Variants in FRY observed in about 807,000 individuals in gnomAD.
The protein encoded by FRY is protein furry homolog.
Under a neutral mutation model 348.4 loss-of-function variants are expected in FRY, and 128 were observed. The observed-to-expected ratio is 0.37, with a 90% confidence interval of 0.32 to 0.43. FRY has a LOEUF of 0.43. FRY is among the 20% of genes least tolerant of loss of function. FRY has a pLI of 1.00. For missense variants in FRY, 2,736 were observed against 3,695.2 expected, an observed-to-expected ratio of 0.74 and a Z score of 6.73; for synonymous variants, 1,370 against 1,374.7, an observed-to-expected ratio of 1.00 and a Z score of 0.08.
At chr13:32,161,445 C>T (rs918967363) in intron 17 of FRY, among the ~76,000 whole-genome samples, 194 bp downstream of exon 17, 19 of 152,136 alleles carry the variant, frequency 1.2e-4, no homozygotes, top group Admixed American at 2.0e-4. Context: ...GAAGCAAATA[C>T]GTAAGCACGT....
chr13:32,295,164 A>C, intron 60 of FRY, 38 bp from the exon 61 acceptor site: 1 of 1,606,780 alleles, frequency 6.2e-7, no homozygotes, highest in Non-Finnish European at 8.5e-7. Flanking sequence ...TTTGTGACTA[A>C]TAGTGCCTCT....
chr13:32,264,006 C>T (rs1414260675), intron 53 of FRY, among the ~76,000 whole-genome samples: 1 of 150,434 alleles, frequency 6.6e-6, no homozygotes. Flanking sequence ...GACTCCATCT[C>T]GAAAAAAAAA....
intron 29 of FRY, among the ~76,000 whole-genome samples, chr13:32,199,314 C>A (rs149785694): frequency 6.6e-6 from 1 of 152,106 alleles, no homozygotes; most frequent in Non-Finnish European, 1.5e-5. Context: ...CACCACAGTA[C>A]GCATTACAAG....
At chr13:32,218,282 A>G (rs1201469128) in intron 35 of FRY, among the ~76,000 whole-genome samples, 1 of 152,204 alleles carries the variant, frequency 6.6e-6, no homozygotes. Context: ...TCTCAAGGAA[A>G]CAAGAAATGT....
chr13:32,240,885 T>G (rs1304928329), intron 46 of FRY, among the ~76,000 whole-genome samples: 1 of 152,220 alleles, frequency 6.6e-6, no homozygotes, highest in South Asian at 2.1e-4. Flanking sequence ...TCCACAAGCC[T>G]GAAAGCATCT....
intron 11 of FRY, among the ~76,000 whole-genome samples, chr13:32,144,071 T>C (rs1031065927): frequency 6.6e-6 from 1 of 152,124 alleles, no homozygotes; most frequent in Non-Finnish European, 1.5e-5. Context: ...TTTGGACCAA[T>C]TGGAAGACGA....
intron 46 of FRY, among the ~76,000 whole-genome samples, chr13:32,241,757 T>C (rs1886518968): frequency 6.6e-6 from 1 of 152,230 alleles, no homozygotes; most frequent in Non-Finnish European, 1.5e-5. Flanking sequence ...GTAAATTTTA[T>C]GTTATGTGTT....
intron 4 of FRY, among the ~76,000 whole-genome samples, chr13:32,122,985 GA>G (rs1878768705): frequency 6.6e-6 from 1 of 152,086 alleles, no homozygotes; most frequent in Admixed American, 6.5e-5. Context: ...CCTAACCAAG[GA>G]GTCGAAAGAC....
intron 26 of FRY, among the ~76,000 whole-genome samples, chr13:32,185,690 G>A (rs945064109): frequency 6.6e-6 from 1 of 152,130 alleles, no homozygotes; most frequent in Admixed American, 6.6e-5. Context: ...TATCTGGTTA[G>A]TTTGCTATAA....
In FRY at chr13:32,211,004, G is replaced by A; in HGVS notation, c.4561G>A (p.Ala1521Thr). 2 of 1,613,966 alleles carry A rather than the reference G, an allele frequency of 1.2e-6. No individual in the cohort carries two copies. Among genetic ancestry groups the A allele is most frequent in the Non-Finnish European group, 1.7e-6 (2 of 1,179,858 alleles). ...CAACCCGCCCTTCTACCGCTTCACG[G>A]CCAGTAGCAAGGCTTCCGCAGCAGC... ...CDNPPFYRFT[A>T]SSKASAAASG... Residue 1521 changes from alanine (A) to threonine (T), a missense_variant, in exon 34 of 61, where the codon GCC becomes ACC. This residue lies in a region of FRY where 794 missense variants were observed against 977.0 expected (regional missense o/e 0.81). Coordinates refer to ENST00000542859, the MANE Select transcript of FRY (RefSeq NM_023037.3).
intron 53 of FRY, among the ~76,000 whole-genome samples, chr13:32,263,994 G>A (rs897706289): frequency 6.6e-6 from 1 of 151,964 alleles, no homozygotes. Context: ...GCGACAGAGC[G>A]AGACTCCATC....
chr13:32,194,406 T>G (rs182114324), intron 29 of FRY, 109 bp downstream of exon 29: 1 of 974,908 alleles, frequency 1.0e-6, no homozygotes, highest in African/African-American at 1.6e-5. Context: ...GTAAGTTCTA[T>G]GAGAATATAA....
intron 4 of FRY, among the ~76,000 whole-genome samples, chr13:32,121,141 A>G (rs528525955): frequency 6.6e-6 from 1 of 152,336 alleles, no homozygotes; most frequent in Admixed American, 6.5e-5. Flanking sequence ...GATCATATAT[A>G]TATACCACAG....
chr13:32,108,447 A>G (rs1446851787), intron 3 of FRY, among the ~76,000 whole-genome samples: 1 of 152,248 alleles, frequency 6.6e-6, no homozygotes, highest in Non-Finnish European at 1.5e-5. Flanking sequence ...AAATTGATCA[A>G]TTTAGTTGAT....
chr13:32,240,166 AT>A (rs1886425727), intron 46 of FRY, among the ~76,000 whole-genome samples: 1 of 152,232 alleles, frequency 6.6e-6, no homozygotes. Flanking sequence ...TAATGGAATC[AT>A]TTTAAAATCT....
chr13:32,117,187 T>A, intron 3 of FRY, 147 bp from the exon 4 acceptor site: 2 of 725,764 alleles, frequency 2.8e-6, no homozygotes, highest in Non-Finnish European at 4.8e-6. Context: ...CTCTTGGGAA[T>A]GTACTAATAA....
At chr13:32,087,097 A>C (rs1027554753) in intron 2 of FRY, among the ~76,000 whole-genome samples, 2 of 152,220 alleles carry the variant, frequency 1.3e-5, no homozygotes, top group Non-Finnish European at 2.9e-5. Flanking sequence ...GAAAGAAGTA[A>C]ACTCAAAGTA....
intron 35 of FRY, among the ~76,000 whole-genome samples, chr13:32,214,093 C>A (rs1389016628): frequency 6.6e-6 from 1 of 152,226 alleles, no homozygotes; most frequent in African/African-American, 2.4e-5. Flanking sequence ...AATATGCTCT[C>A]CCAATGGACA....
chr13:32,200,797 C>G (rs190925155), intron 29 of FRY, among the ~76,000 whole-genome samples: 428 of 152,318 alleles, frequency 2.8e-3, no homozygotes, highest in Non-Finnish European at 4.7e-3. Context: ...CCTCTCCCCC[C>G]ATCCCACACA....
Sources: gnomAD v4.1 joint callset for allele counts (sites outside exome capture counted in the v4.1 genomes callset) on GRCh38, gnomAD v4.1.1 for gene constraint, gnomAD v4.1.1 regional missense constraint, MANE v1.5 for transcripts, NCBI Gene and HGNC (gene_info 2026-07-23, HGNC 2026-07-21) for gene names.